The following IRS2 variants were observed in gnomAD, a reference collection of about 807,000 sequenced individuals.
IRS2 encodes the protein insulin receptor substrate 2.
A neutral mutation model predicts 70.9 loss-of-function variants in IRS2; 28 were observed. The observed-to-expected ratio is 0.39, with a 90% CI of 0.29 to 0.54. The LOEUF is 0.54. IRS2 is among the 20% of genes least tolerant of loss of function. The pLI, the probability that IRS2 is intolerant of heterozygous loss-of-function variation, is 0.59. For missense variants in IRS2, 2,081 were observed against 2,024.1 expected (o/e 1.03, Z -0.54); for synonymous variants, 1,217 against 981.9 (o/e 1.24, Z -4.48).
Position 109,783,730 on chromosome 13 carries a change from A to C in IRS2, c.2324T>G (p.Val775Gly), listed in dbSNP as rs1280238680. The C allele has an allele frequency of 1.3e-6, 2 of 1,580,196 alleles. No homozygotes were observed. The highest frequency in any genetic ancestry group is 2.7e-5 in the African/African-American group (2 of 74,200). ...GAAGTCGGGCGGGGTGCCCGTGGTG[A>C]CCGCGTCGCTGGGGGACACGTTGAG... ...DYLNVSPSDA[V>G]TTGTPPDFFS... The change falls in exon 1 of 2, where the codon GTC becomes GGC. Residue 775 changes from valine (V) to glycine (G), a missense_variant. Val to Gly is a moderately radical substitution (Grantham distance 109). This residue lies in a region of IRS2 where 1,615 missense variants were observed against 1,459.5 expected (regional missense o/e 1.11). Transcript: ENST00000375856.
chr13:109,761,995 C>T (rs1174106076), intron 1 of IRS2, among the ~76,000 whole-genome samples: 1 of 152,174 alleles, frequency 6.6e-6, no homozygotes, highest in African/African-American at 2.4e-5. Context: ...AAGACCTGGT[C>T]TTAATCATCC....
chr13:109,780,197 A>G (rs768312493), intron 1 of IRS2, among the ~76,000 whole-genome samples: 33 of 152,312 alleles, frequency 2.2e-4, no homozygotes, highest in Non-Finnish European at 4.3e-4. Context: ...GGTAAGATGT[A>G]ATTTACTTTC....
chr13:109,783,477 C>T lies in IRS2; in HGVS notation c.2577G>A (p.Thr859=), dbSNP rs552939820. Residue 859 remains threonine (T), a synonymous_variant, in exon 1 of 2, where the codon ACG becomes ACA. Coordinates refer to ENST00000375856, the MANE Select transcript of IRS2 (RefSeq NM_003749.3). ...AAGGCACTACAGGGTGAGGGGGCTGCGTGGGGCCGGCCCCGAAGGCGCTGG... is the reference window on the plus strand; with the variant it reads ...AAGGCACTACAGGGTGAGGGGGCTGTGTGGGGCCGGCCCCGAAGGCGCTGG... ...QAASAFGAGP[T]QPPHPVVPSP... 204 of 1,541,490 alleles carry T rather than the reference C, an allele frequency of 1.3e-4. 2 individuals carry two copies. The South Asian group carries it at 2.2e-3, about 17-fold the overall frequency.
chr13:109,760,710 G>A (rs116084099), intron 1 of IRS2, among the ~76,000 whole-genome samples: 17 of 152,270 alleles, frequency 1.1e-4, no homozygotes, highest in African/African-American at 3.6e-4. Context: ...GAATGCAAAT[G>A]AAGGAGAGAG....
intron 1 of IRS2, among the ~76,000 whole-genome samples, chr13:109,763,364 A>G (rs1877268128): frequency 6.6e-6 from 1 of 152,262 alleles, no homozygotes; most frequent in African/African-American, 2.4e-5. Flanking sequence ...AAGAGGACAC[A>G]CATCACAAAA....
chr13:109,783,650 A>C lies in IRS2; in HGVS notation c.2404T>G (p.Cys802Gly). ...GEPLRGVPGCCYSSLPRSYKA... is the reference protein window; with the variant it reads ...GEPLRGVPGCGYSSLPRSYKA... Reference sequence around the variant, plus strand: ...TAGGAGCGGGGCAAGGAGCTGTAGCAGCAGCCGGGAACGCCCCTGAGCGGC... The same window carrying C: ...TAGGAGCGGGGCAAGGAGCTGTAGCCGCAGCCGGGAACGCCCCTGAGCGGC... The change falls in exon 1 of 2, where the codon TGC becomes GGC. Residue 802 changes from cysteine (C) to glycine (G), a missense_variant. Physicochemically the swap from Cys to Gly is radical, Grantham distance 159. Transcript: ENST00000375856. The C allele has an allele frequency of 6.4e-7, 1 of 1,554,258 alleles. No homozygotes were observed. The highest frequency in any genetic ancestry group is 8.7e-7 in the Non-Finnish European group (1 of 1,148,698).
intron 1 of IRS2, among the ~76,000 whole-genome samples, chr13:109,775,475 G>A (rs981828549): frequency 1.3e-5 from 2 of 152,018 alleles, no homozygotes; most frequent in African/African-American, 4.8e-5. Flanking sequence ...AAATCACACA[G>A]TATAATAGGA....
At chr13:109,776,759 G>A (rs558361545) in intron 1 of IRS2, among the ~76,000 whole-genome samples, 1 of 152,286 alleles carries the variant, frequency 6.6e-6, no homozygotes, top group East Asian at 1.9e-4. Flanking sequence ...GCCAAATGAT[G>A]ACTTTACTAG....
rs1231147434 is a variant in IRS2 at position 109,785,119 on chromosome 13, G to A, written c.935C>T (p.Ser312Leu). ...PRSKSQSSGSSATHPISVPGA... is the reference protein window; with the variant it reads ...PRSKSQSSGSLATHPISVPGA... ...GGGGACGCTGATGGGGTGCGTGGCC[G>A]ACGACCCCGACGATTGGCTCTTACT... The change falls in exon 1 of 2, where the codon TCG (serine) becomes TTG (leucine). Residue 312 changes from serine (S) to leucine (L), a missense_variant. Physicochemically the swap from Ser to Leu is moderately radical, Grantham distance 145 (BLOSUM62 -2). Coordinates refer to ENST00000375856, the MANE Select transcript of IRS2 (RefSeq NM_003749.3). This position sits in a 1 kb window ranked among gnomAD's most constrained non-coding sequence, Gnocchi z 9.3. 4 of 1,592,146 alleles carry A rather than the reference G, an allele frequency of 2.5e-6. No individual in the cohort carries two copies. Among genetic ancestry groups the A allele is most frequent in the East Asian group, 2.3e-5 (1 of 43,778 alleles).
chr13:109,784,285 G>A lies in IRS2; in HGVS notation c.1769C>T (p.Pro590Leu), dbSNP rs1026044237. ...TPARQRPVPQ[P>L]SSASLDEYTL... is the part of the protein sequence containing the mutation. ...GTATTCATCCAGCGAGGCAGAGGAG[G>A]GCTGGGGCACCGGCCGCTGCCGGGC... is the stretch of plus-strand genomic sequence containing the variant. The change falls in exon 1 of 2, where the codon CCC (proline) becomes CTC (leucine). Residue 590 changes from proline (P) to leucine (L), a missense_variant. Pro to Leu is a moderately conservative substitution (Grantham distance 98). Coordinates refer to ENST00000375856, the MANE Select transcript of IRS2 (RefSeq NM_003749.3). The surrounding 1 kb of genome is among the most constrained non-coding windows in gnomAD (Gnocchi z 5.2). 8 of 1,597,660 alleles carry A rather than the reference G, an allele frequency of 5.0e-6. No homozygotes were observed. The highest frequency in any genetic ancestry group is 2.2e-5 in the East Asian group (1 of 44,506).
chr13:109,781,009 T>A (rs1264477348), intron 1 of IRS2, among the ~76,000 whole-genome samples: 3 of 152,206 alleles, frequency 2.0e-5, no homozygotes, highest in African/African-American at 4.8e-5. Flanking sequence ...CAATTGTTCT[T>A]GAGAAGACCT....
In IRS2 at chr13:109,785,980, T is replaced by C; in HGVS notation, c.74A>G (p.Asn25Ser). The C allele has an allele frequency of 6.7e-7, 1 of 1,482,772 alleles. No individual in the cohort carries two copies. Among genetic ancestry groups the C allele is most frequent in the Non-Finnish European group, 8.9e-7 (1 of 1,122,556 alleles). 91.9% of individuals were successfully genotyped at this position (1,482,772 alleles called of 1,614,324 possible). The change falls in exon 1 of 2, where the codon AAC becomes AGC. Residue 25 changes from asparagine (N) to serine (S), a missense_variant. By Grantham distance (46) the Asn-to-Ser change is conservative. This residue lies in a region of IRS2 where 320 missense variants were observed against 352.9 expected (regional missense o/e 0.91). Transcript: ENST00000375856. This position sits in a 1 kb window ranked among gnomAD's most constrained non-coding sequence, Gnocchi z 9.3. ...CTTGCGCACGCTGTGGTTGTTGTTG[T>C]TGTTGTTGTTGTTGAGGTTGGGGCC... The part of the protein sequence containing the change: ...GDGPNLNNNN[N>S]NNNHSVRKCG...
intron 1 of IRS2, among the ~76,000 whole-genome samples, chr13:109,776,193 C>T (rs989215447): frequency 1.3e-5 from 2 of 151,804 alleles, no homozygotes; most frequent in Middle Eastern, 7.1e-3. Context: ...GGGTGCAATG[C>T]GTGTGATCAG....
Position 109,782,798 on chromosome 13 carries a change from G to A in IRS2, c.3256C>T (p.Pro1086Ser), listed in dbSNP as rs2138930728. Residue 1086 changes from proline (P) to serine (S), a missense_variant, in exon 1 of 2, where the codon CCT becomes TCT. This residue lies in a region of IRS2 where 1,615 missense variants were observed against 1,459.5 expected (regional missense o/e 1.11). Coordinates refer to ENST00000375856, the MANE Select transcript of IRS2 (RefSeq NM_003749.3). Reference protein sequence around the residue: ...AFGVAATPPQPIAAPPKPEAA... With the variant: ...AFGVAATPPQSIAAPPKPEAA... ...TCTGGCTTCGGGGGGGCCGCGATAG[G>A]TTGCGGCGGGGTGGCGGCCACACCA... 6.2e-7 allele frequency: 1 copy of A among 1,602,154 alleles called. No individual in the cohort carries two copies. The highest frequency in any genetic ancestry group is 8.5e-7 in the Non-Finnish European group (1 of 1,175,608).
chr13:109,771,566 C>A (rs1416677363), intron 1 of IRS2, among the ~76,000 whole-genome samples: 2 of 152,326 alleles, frequency 1.3e-5, no homozygotes, highest in Admixed American at 6.5e-5. Flanking sequence ...ATATATAGAA[C>A]TGGAAGAGGG....
intron 1 of IRS2, among the ~76,000 whole-genome samples, chr13:109,758,301 T>G (rs1877150922): frequency 6.6e-6 from 1 of 152,258 alleles, no homozygotes; most frequent in African/African-American, 2.4e-5. Context: ...ACTGAGACTC[T>G]GCAAATCCAT....
intron 1 of IRS2, among the ~76,000 whole-genome samples, chr13:109,762,979 G>GTC (rs1186387381): frequency 1.3e-5 from 2 of 152,192 alleles, no homozygotes; most frequent in Non-Finnish European, 2.9e-5. Flanking sequence ...TGGCTTGCCT[G>GTC]TCTCTGCAAA....
chr13:109,776,678 TGTAA>T (rs1291347782), intron 1 of IRS2, among the ~76,000 whole-genome samples: 6 of 152,252 alleles, frequency 3.9e-5, no homozygotes, highest in African/African-American at 1.2e-4. Context: ...ACCCAGTTAA[TGTAA>T]GTCTCTGTAG....
In IRS2 at chr13:109,782,789, C is replaced by G. The variant is rs780127725; in HGVS notation, c.3265G>C (p.Ala1089Pro). Residue 1089 changes from alanine (A) to proline (P), a missense_variant, in exon 1 of 2, where the codon GCC becomes CCC. By Grantham distance (27) the Ala-to-Pro change is conservative. This residue lies in a region of IRS2 where 1,615 missense variants were observed against 1,459.5 expected (regional missense o/e 1.11). Transcript: ENST00000375856. ...VAATPPQPIA[A>P]PPKPEAARVA... The stretch of plus-strand genomic sequence containing the variant: ...CGGGCAGCTTCTGGCTTCGGGGGGG[C>G]CGCGATAGGTTGCGGCGGGGTGGCG... 4 of 1,603,278 alleles carry G rather than the reference C, an allele frequency of 2.5e-6. No homozygotes were observed. The highest frequency in any genetic ancestry group is 2.6e-6 in the Non-Finnish European group (3 of 1,176,038).
Sources: allele counts gnomAD v4.1 joint callset (sites outside exome capture counted in the v4.1 genomes callset), GRCh38; gene constraint gnomAD v4.1.1; regional missense constraint gnomAD v4.1.1; non-coding constraint Gnocchi (gnomAD v3.1); transcripts MANE v1.5; gene names NCBI Gene and HGNC (gene_info 2026-07-23, HGNC 2026-07-21).